DRC7: variants seen among roughly 807,000 people sequenced by gnomAD.
DRC7 encodes the protein coiled-coil domain containing 135.
In DRC7, 80 loss-of-function variants were observed where a neutral mutation model predicts 104.4. That is an observed-to-expected ratio of 0.77 (90% CI 0.64 to 0.92). DRC7 has a LOEUF of 0.92. Among genes scored for constraint, DRC7 ranks in the 40% least tolerant of loss-of-function variants. The pLI, the probability that DRC7 is intolerant of heterozygous loss-of-function variation, is 0.00. For missense variants in DRC7, 1,034 were observed against 1,141.1 expected, an observed-to-expected ratio of 0.91 and a Z score of 1.35; for synonymous variants, 405 against 447.3, an observed-to-expected ratio of 0.91 and a Z score of 1.19.
At position 57,728,568 on chromosome 16, in the gene DRC7, A is replaced by G. The variant is rs768477787; in HGVS notation, c.2375A>G (p.Gln792Arg). The change falls in exon 17 of 19, where the codon CAG becomes CGG. Residue 792 changes from glutamine (Q) to arginine (R), a missense_variant. By Grantham distance (43) the Gln-to-Arg change is conservative (BLOSUM62 1). Coordinates refer to ENST00000360716, the MANE Select transcript of DRC7 (RefSeq NM_001289162.2). ...CTCATCAACAAGGCCAACCTCATCC[A>G]GGCCCGCTTTGAGAAGGTGCCACCA... is the stretch of plus-strand genomic sequence containing the variant. ...QRLINKANLIQARFEKETQEL... is the reference protein window; with the variant it reads ...QRLINKANLIRARFEKETQEL... The G allele has an allele frequency of 6.2e-7, 1 of 1,600,438 alleles. No individual in the cohort carries two copies. Among genetic ancestry groups the G allele is most frequent in the South Asian group, 1.1e-5 (1 of 89,910 alleles).
chr16:57,722,627 G>A, intron 10 of DRC7, 86 bp from the exon 11 acceptor site: 5 of 1,558,038 alleles, frequency 3.2e-6, no homozygotes, highest in East Asian at 2.3e-5. Flanking sequence ...CAGAGAACGG[G>A]CAGTGGATGG....
chr16:57,695,852 A>G (rs1203248675), intron 1 of DRC7, among the ~76,000 whole-genome samples: 3 of 152,234 alleles, frequency 2.0e-5, no homozygotes, highest in Non-Finnish European at 4.4e-5. Context: ...GGGTTTCCCC[A>G]ACCAGGCTCA....
intron 7 of DRC7, among the ~76,000 whole-genome samples, chr16:57,706,079 TCCATCCATCCTC>T (rs1420466843): frequency 1.1e-5 from 1 of 87,068 alleles, no homozygotes; most frequent in African/African-American, 4.2e-5. Context: ...TTGCCTCCCA[TCCATCCATCCTC>T]CCATCCATCC....
Position 57,726,826 on chromosome 16 carries a change from TC to T in DRC7, c.1975-3del. On this transcript the variant is annotated splice_region_variant and splice_polypyrimidine_tract_variant and intron_variant, in intron 14 of 18. Transcript: ENST00000360716. Reference sequence around the variant, plus strand: ...CTCTGTGTTACTAAGGTGGTTGTTGTCCCAGGTGGAGCCCATGGAGCACACC... The same window carrying T: ...CTCTGTGTTACTAAGGTGGTTGTTGTCCAGGTGGAGCCCATGGAGCACACC... The T allele has an allele frequency of 6.3e-7, 1 of 1,598,520 alleles. No homozygotes were observed. Among genetic ancestry groups the T allele is most frequent in the Non-Finnish European group, 8.6e-7 (1 of 1,167,976 alleles).
chr16:57,700,468 G>A (rs1390073970), intron 5 of DRC7, among the ~76,000 whole-genome samples, 198 bp downstream of exon 5: 2 of 152,032 alleles, frequency 1.3e-5, no homozygotes, highest in Non-Finnish European at 1.5e-5. Context: ...CCAACATGGC[G>A]AAACCCCGTC....
At chr16:57,712,832 G>A (rs2048803688) in intron 8 of DRC7, among the ~76,000 whole-genome samples, 1 of 151,956 alleles carries the variant, frequency 6.6e-6, no homozygotes, top group South Asian at 2.1e-4. Flanking sequence ...GCCCAGCTAA[G>A]CCTGTTCTTT....
chr16:57,729,522 ATGGATGGATGGGTGAGTGAG>A (rs2049022636), intron 17 of DRC7, among the ~76,000 whole-genome samples: 1 of 96,198 alleles, frequency 1.0e-5, no homozygotes, highest in Admixed American at 1.0e-4. Context: ...GGGTGGATGG[ATGGATGGATGGGTGAGTGAG>A]TGGGTGGGTG....
chr16:57,726,377 G>A (rs1347108920), intron 14 of DRC7, 94 bp downstream of exon 14: 7 of 1,058,396 alleles, frequency 6.6e-6, no homozygotes, highest in South Asian at 1.4e-5. Context: ...CAGGATGGGC[G>A]CTGGTGAATC....
At chr16:57,709,932 G>A (rs1253349785) in intron 8 of DRC7, among the ~76,000 whole-genome samples, 1 of 152,098 alleles carries the variant, frequency 6.6e-6, no homozygotes, top group African/African-American at 2.4e-5. Context: ...ACTATGCCCA[G>A]CTAATTTTTG....
At chr16:57,724,379 A>T (rs1169136955) in intron 12 of DRC7, among the ~76,000 whole-genome samples, 1 of 152,038 alleles carries the variant, frequency 6.6e-6, no homozygotes, top group Non-Finnish European at 1.5e-5. Context: ...TATTCTTAGC[A>T]AATAATGGAC....
At chr16:57,730,394 AGGACGGAT>A (rs2049047937) in intron 17 of DRC7, among the ~76,000 whole-genome samples, 2 of 151,028 alleles carry the variant, frequency 1.3e-5, no homozygotes, top group Admixed American at 1.3e-4. Context: ...GATGAGTGGA[AGGACGGAT>A]GGACGGATGG....
At chr16:57,725,841 T>C (rs1269517107) in intron 13 of DRC7, 1 of 548,758 alleles carries the variant, frequency 1.8e-6, no homozygotes, top group Non-Finnish European at 3.3e-6. Context: ...AAGCAGAGTC[T>C]TGAAGGAGCT....
At chr16:57,726,679 T>A in intron 14 of DRC7, 153 bp from the exon 15 acceptor site, 1 of 578,004 alleles carries the variant, frequency 1.7e-6, no homozygotes, top group Non-Finnish European at 3.1e-6. Context: ...ATTATCTGTA[T>A]TTTTATAAGT....
intron 8 of DRC7, among the ~76,000 whole-genome samples, chr16:57,712,668 T>C (rs995027016): frequency 3.7e-5 from 5 of 135,258 alleles, no homozygotes; most frequent in Middle Eastern, 3.5e-3. Flanking sequence ...GACTGTTTTT[T>C]GTTTTGTTTT....
intron 13 of DRC7, 109 bp from the exon 14 acceptor site, chr16:57,725,959 C>A: frequency 1.1e-6 from 1 of 940,792 alleles, no homozygotes; most frequent in Non-Finnish European, 1.6e-6. Context: ...CCAAACGACC[C>A]CAGACTCCAG....
intron 8 of DRC7, chr16:57,714,834 T>C (rs561577095): frequency 8.4e-6 from 3 of 359,162 alleles, no homozygotes; most frequent in South Asian, 7.0e-5. Flanking sequence ...TCCCAGTATA[T>C]ACTACTTGCA....
Position 57,718,421 on chromosome 16 carries a change from C to T in DRC7, c.1152C>T (p.Ser384=), listed in dbSNP as rs867240930. The change falls in exon 9 of 19, where the codon TCC becomes TCT. Residue 384 remains serine (S), a synonymous_variant. Transcript: ENST00000360716. Reference sequence around the variant, plus strand: ...TGGGGACTGATAAGTCTCAGCTGTCCTTGACTGAAGAAGACGACAGTGGGA... The same window carrying T: ...TGGGGACTGATAAGTCTCAGCTGTCTTTGACTGAAGAAGACGACAGTGGGA... ...MLLGTDKSQL[S]LTEEDDSGIN... 5.6e-6 allele frequency: 9 copies of T among 1,614,120 alleles called. No individual in the cohort carries two copies. The highest frequency in any genetic ancestry group is 7.6e-6 in the Non-Finnish European group (9 of 1,179,994).
Position 57,699,032 on chromosome 16 carries a change from TG to T in DRC7, c.378+10del. On this transcript the variant is annotated intron_variant, in intron 4 of 18. Transcript: ENST00000360716. ...AACGAGTGTGAAGTGCCCGTAAGGC[TG>T]GCATGTTGAGGGCAGGGCTGGGGAG... 1.2e-6 allele frequency: 2 copies of T among 1,613,150 alleles called. No homozygotes were observed. The highest frequency in any genetic ancestry group is 1.7e-6 in the Non-Finnish European group (2 of 1,179,454).
chr16:57,700,197 A>G lies in DRC7; in HGVS notation c.431A>G (p.Tyr144Cys). 1 of 1,614,114 alleles carries G rather than the reference A, an allele frequency of 6.2e-7. No homozygotes were observed. Among genetic ancestry groups the G allele is most frequent in the South Asian group, 1.1e-5 (1 of 91,076 alleles). The change falls in exon 5 of 19, where the codon TAC becomes TGC. Residue 144 changes from tyrosine to cysteine, a missense_variant. Physicochemically the swap from Tyr to Cys is radical, Grantham distance 194. Transcript: ENST00000360716. ...RPTLMPYPEL[Y>C]NWDSCAQFVS... ...ACACTGATGCCCTACCCCGAGCTCT[A>G]CAACTGGGACAGCTGTGCCCAGTTT... is the stretch of plus-strand genomic sequence containing the variant.
Sources: allele counts gnomAD v4.1 joint callset (sites outside exome capture counted in the v4.1 genomes callset), GRCh38; gene constraint gnomAD v4.1.1; transcripts MANE v1.5; gene names NCBI Gene and HGNC (gene_info 2026-07-23, HGNC 2026-07-21).